PRDM10: variants seen among roughly 807,000 people sequenced by gnomAD.
The protein encoded by PRDM10 is PR/SET domain 10.
PRDM10 carries 65 observed loss-of-function variants against 133.1 expected under a neutral mutation model. The observed-to-expected ratio is 0.49, with a 90% confidence interval of 0.40 to 0.60. The LOEUF (loss-of-function observed/expected upper bound fraction) is 0.60, where lower values mean the gene tolerates loss of function less well. Among genes scored for constraint, PRDM10 ranks in the 20% least tolerant of loss-of-function variants. PRDM10 has a pLI of 0.00. For synonymous variants in PRDM10, 582 were observed against 580.4 expected (o/e 1.00, Z -0.04); for missense variants, 1,137 against 1,507.1 (o/e 0.75, Z 4.07).
rs931595924 is a variant in PRDM10, at chr11:129,900,170, A to T, written c.*2143T>A. The stretch of plus-strand genomic sequence containing the variant: ...CATGTTTTCCAAATTAAGTTTTCTG[A>T]TGGCTCATCATTTGCCATCTCTTCA... On this transcript the variant is annotated 3_prime_UTR_variant, in exon 21 of 21. Coordinates refer to ENST00000360871, the MANE Select transcript of PRDM10 (RefSeq NM_199437.2). The T allele has an allele frequency of 6.6e-6, 1 of 152,368 alleles. No homozygotes were observed. The highest frequency in any genetic ancestry group is 6.5e-5 in the Admixed American group (1 of 15,300). 9.4% of individuals were successfully genotyped at this position (152,368 alleles called of 1,614,324 possible). A position where few individuals can be genotyped will look rare whatever the true frequency, so the allele number is the denominator to read the frequency against.
At chr11:129,962,806 T>C (rs1006137772) in intron 1 of PRDM10, among the ~76,000 whole-genome samples, 5 of 152,122 alleles carry the variant, frequency 3.3e-5, no homozygotes, top group African/African-American at 1.2e-4. Flanking sequence ...TCCTATGGTA[T>C]ATAAACTATA....
chr11:129,948,525 G>A (rs1034431413), intron 4 of PRDM10, among the ~76,000 whole-genome samples: 1 of 152,036 alleles, frequency 6.6e-6, no homozygotes, highest in African/African-American at 2.4e-5. Context: ...CTCCACAACA[G>A]CACTCAGCAT....
Position 129,923,693 on chromosome 11 carries a change from A to AGAGAGAGAGC in PRDM10, c.1879-291_1879-290insGCTCTCTCTC, listed in dbSNP as rs1491447398. 2.5e-4 allele frequency among the ~76,000 whole-genome samples: 34 copies of AGAGAGAGAGC among 135,672 alleles called. No homozygotes were observed. Among genetic ancestry groups the AGAGAGAGAGC allele is most frequent in the African/African-American group, 8.4e-4 (30 of 35,512 alleles). 89.0% of individuals were successfully genotyped at this position (135,672 alleles called of 152,430 possible). A position where few individuals can be genotyped will look rare whatever the true frequency, so the allele number is the denominator to read the frequency against. Reference sequence around the variant, plus strand: ...GAGAGAGAGAGAGAGAGAGAGAGAGAGTGCTTGCTTGGTCAAAGCCCTGAT... The same window carrying AGAGAGAGAGC: ...GAGAGAGAGAGAGAGAGAGAGAGAGAGAGAGAGAGCGTGCTTGCTTGGTCAAAGCCCTGAT... On this transcript the variant is annotated intron_variant, in intron 12 of 20. Coordinates refer to ENST00000360871, the MANE Select transcript of PRDM10 (RefSeq NM_199437.2). The surrounding 1 kb of genome is among the most constrained non-coding windows in gnomAD (Gnocchi z 4.4).
chr11:129,972,409 A>G lies in PRDM10; in HGVS notation c.-118-11327T>C, dbSNP rs139349646. On this transcript the variant is annotated intron_variant, in intron 1 of 20. Transcript: ENST00000360871. ...CAAAATGACTGGCAACAATAGCAAC[A>G]AAGAGTTAACAAAAATTTGTGAGAC... Among the ~76,000 whole-genome samples, 305 of 152,346 alleles carry G rather than the reference A, an allele frequency of 2.0e-3. 1 individual carries two copies. The highest frequency in any genetic ancestry group is 6.9e-3 in the African/African-American group (285 of 41,584).
At chr11:129,958,559 G>T (rs2135918474) in intron 2 of PRDM10, among the ~76,000 whole-genome samples, 1 of 152,244 alleles carries the variant, frequency 6.6e-6, no homozygotes, top group African/African-American at 2.4e-5. Context: ...CAGGAGAATT[G>T]CTTGAACCTG....
chr11:130,001,988 G>A (rs949781026), intron 1 of PRDM10, among the ~76,000 whole-genome samples: 7 of 151,368 alleles, frequency 4.6e-5, no homozygotes, highest in Non-Finnish European at 1.0e-4. Flanking sequence ...ACGCTAGCTT[G>A]GGAAGGCAGG....
chr11:129,932,050 G>C, intron 10 of PRDM10, 52 bp downstream of exon 10: 1 of 1,578,606 alleles, frequency 6.3e-7, no homozygotes, highest in Non-Finnish European at 8.7e-7. Context: ...CAGGGATCTG[G>C]CGAGTCCTCC....
At chr11:129,910,424 G>A in intron 19 of PRDM10, 52 bp downstream of exon 19, 1 of 1,606,948 alleles carries the variant, frequency 6.2e-7, no homozygotes, top group Non-Finnish European at 8.5e-7. Flanking sequence ...TATGACACAT[G>A]GCTGGAGATC....
chr11:129,940,981 C>T (rs1287550946), intron 7 of PRDM10, among the ~76,000 whole-genome samples: 2 of 152,140 alleles, frequency 1.3e-5, no homozygotes, highest in Non-Finnish European at 2.9e-5. Flanking sequence ...AAAATATTCA[C>T]CTCAGTTTTT....
chr11:129,985,773 C>T (rs112046863), intron 1 of PRDM10, among the ~76,000 whole-genome samples: 1 of 36,952 alleles, frequency 2.7e-5, no homozygotes, highest in African/African-American at 7.9e-5. Context: ...CAAAGACAAA[C>T]CCTGTCCAAA....
intron 1 of PRDM10, among the ~76,000 whole-genome samples, chr11:130,001,434 T>C (rs557930754): frequency 2.0e-5 from 3 of 152,260 alleles, no homozygotes; most frequent in South Asian, 2.1e-4. Context: ...ACTGCTAAGT[T>C]TAGAGAATTT....
chr11:129,944,754 G>A lies in PRDM10; in HGVS notation c.762+17C>T. 1.2e-6 allele frequency: 2 copies of A among 1,613,598 alleles called. No homozygotes were observed. The highest frequency in any genetic ancestry group is 1.7e-4 in the Middle Eastern group (1 of 6,060). ...CTGGTAAAGGACAGGAGTGAAGTGT[G>A]ATAGAGCATAAATTACCTTGAGGTG... On this transcript the variant is annotated intron_variant, in intron 6 of 20. Transcript: ENST00000360871.
Position 129,923,339 on chromosome 11 carries a change from G to C in PRDM10, c.1943C>G (p.Ala648Gly). 1 of 1,612,176 alleles carries C rather than the reference G, an allele frequency of 6.2e-7. No individual in the cohort carries two copies. The highest frequency in any genetic ancestry group is 8.5e-7 in the Non-Finnish European group (1 of 1,179,300). Residue 648 changes from alanine to glycine, a missense_variant, in exon 13 of 21, where the codon GCC becomes GGC. Transcript: ENST00000360871. The surrounding 1 kb of genome is among the most constrained non-coding windows in gnomAD (Gnocchi z 4.4). ...KIYQCTECDK[A>G]FCRPDKLRLH... ...TCGCAGTTTATCGGGGCGACAGAAGGCCTTGTCACACTCTGTGCACTGGTA... is the reference window on the plus strand; with the variant it reads ...TCGCAGTTTATCGGGGCGACAGAAGCCCTTGTCACACTCTGTGCACTGGTA...
At chr11:129,931,298 A>C in intron 10 of PRDM10, 40 bp from the exon 11 acceptor site, 1 of 1,578,404 alleles carries the variant, frequency 6.3e-7, no homozygotes. Flanking sequence ...TCAGTGCCGG[A>C]GGGACTGTCA....
intron 12 of PRDM10, 24 bp downstream of exon 12, chr11:129,924,858 G>A: frequency 6.5e-7 from 1 of 1,529,408 alleles, no homozygotes; most frequent in South Asian, 1.3e-5. Flanking sequence ...GAAGCAGACA[G>A]GAATCTCAGT....
In PRDM10 at chr11:129,955,551, GC is replaced by G; in HGVS notation, c.254del (p.Gly85AlafsTer3). The G allele has an allele frequency of 6.2e-7, 1 of 1,613,944 alleles. No individual in the cohort carries two copies. The highest frequency in any genetic ancestry group is 8.5e-7 in the Non-Finnish European group (1 of 1,179,954). On this transcript the variant is annotated frameshift_variant, in exon 4 of 21. Transcript: ENST00000360871. LOFTEE classifies it high-confidence loss of function. ...EAAQTLFTDP[G>X]QVAYVQQDAT... Reference sequence around the variant, plus strand: ...CATCCTGTTGGACATAAGCTACCTGGCCGGGGTCTGTAAACAGAGTCTAAAC... The same window carrying G: ...CATCCTGTTGGACATAAGCTACCTGGCGGGGTCTGTAAACAGAGTCTAAAC...
chr11:129,905,878 G>A, intron 19 of PRDM10, 137 bp from the exon 20 acceptor site: 2 of 737,964 alleles, frequency 2.7e-6, no homozygotes, highest in South Asian at 3.3e-5. Context: ...ATTTCTTGGT[G>A]CCGTGAAAGC....
chr11:129,910,475 C>A lies in PRDM10; in HGVS notation c.3163+1G>T. On this transcript the variant is annotated splice_donor_variant, in intron 19 of 20. Coordinates refer to ENST00000360871, the MANE Select transcript of PRDM10 (RefSeq NM_199437.2). LOFTEE classifies it high-confidence loss of function. ...ACACGGCATCGTCCCTTCTTACTTACAATAGCCACGGAAGGAATTCCAAGC... is the reference window on the plus strand; with the variant it reads ...ACACGGCATCGTCCCTTCTTACTTAAAATAGCCACGGAAGGAATTCCAAGC... The A allele has an allele frequency of 6.2e-7, 1 of 1,614,010 alleles. No homozygotes were observed. The highest frequency in any genetic ancestry group is 1.3e-5 in the African/African-American group (1 of 75,060).
rs558098446 is a variant in PRDM10, at chr11:129,964,284, T to C, written c.-118-3202A>G. Among the ~76,000 whole-genome samples, 29 of 152,288 alleles carry C rather than the reference T, an allele frequency of 1.9e-4. No individual in the cohort carries two copies. The South Asian group carries it at 2.7e-3, about 14-fold the overall frequency. On this transcript the variant is annotated intron_variant, in intron 1 of 20. Transcript: ENST00000360871. ...GTCTTTTTGTCTTTGTTTTCATTTC[T>C]AGAAAGGTATACTTTATTTCTTCTA...
Sources: allele counts gnomAD v4.1 joint callset (sites outside exome capture counted in the v4.1 genomes callset), GRCh38; gene constraint gnomAD v4.1.1; non-coding constraint Gnocchi (gnomAD v3.1); transcripts MANE v1.5; gene names NCBI Gene and HGNC (gene_info 2026-07-23, HGNC 2026-07-21).